The following ADGRV1 variants were observed in gnomAD, a reference collection of about 807,000 sequenced individuals.
ADGRV1 encodes G-protein coupled receptor 98.
In ADGRV1, 359 loss-of-function variants were observed where a neutral mutation model predicts 596.2. That is an observed-to-expected ratio of 0.60 (90% confidence interval 0.55 to 0.66). The LOEUF (loss-of-function observed/expected upper bound fraction) is 0.66. Among genes scored for constraint, ADGRV1 ranks in the 30% least tolerant of loss-of-function variants. The probability of loss-of-function intolerance (pLI) is 0.00; values close to 1 mark genes in which losing one functional copy is unlikely to be tolerated. For synonymous variants in ADGRV1, 2,681 were observed against 2,679.2 expected (o/e 1.00, Z -0.02); for missense variants, 7,274 against 7,575.6 (o/e 0.96, Z 1.48).
intron 87 of ADGRV1, among the ~76,000 whole-genome samples, chr5:91,137,444 T>A (rs188674837): frequency 2.0e-5 from 3 of 152,334 alleles, no homozygotes; most frequent in Non-Finnish European, 2.9e-5. Flanking sequence ...TGCCTCATAT[T>A]GTAACTGAGT....
chr5:90,609,112 G>C (rs1410329893), intron 1 of ADGRV1, among the ~76,000 whole-genome samples: 1 of 151,718 alleles, frequency 6.6e-6, no homozygotes, highest in African/African-American at 2.4e-5. Context: ...TCTTCTGTAG[G>C]AATACATATA....
chr5:90,852,242 C>T (rs746093101), intron 79 of ADGRV1, among the ~76,000 whole-genome samples: 25 of 152,154 alleles, frequency 1.6e-4, no homozygotes, highest in Admixed American at 4.6e-4. Flanking sequence ...TGTACCACTA[C>T]AGGAAAAAGT....
At chr5:90,644,964 A>C in intron 15 of ADGRV1, 95 bp downstream of exon 15, 1 of 939,244 alleles carries the variant, frequency 1.1e-6, no homozygotes, top group African/African-American at 1.7e-5. Context: ...ATATTTTGTG[A>C]TAAAAGTTTG....
At chr5:90,599,711 C>T (rs1471940950) in intron 1 of ADGRV1, among the ~76,000 whole-genome samples, 3 of 152,022 alleles carry the variant, frequency 2.0e-5, no homozygotes, top group African/African-American at 7.3e-5. Context: ...GACAAAACAT[C>T]GTAGCATACC....
intron 4 of ADGRV1, 76 bp from the exon 5 acceptor site, chr5:90,622,521 C>A: frequency 2.0e-6 from 1 of 506,432 alleles, no homozygotes; most frequent in South Asian, 7.5e-5. Context: ...TTGAGCGTTT[C>A]TGAGGTAATA....
chr5:90,606,163 C>T (rs1459474701), intron 1 of ADGRV1, among the ~76,000 whole-genome samples: 3 of 152,146 alleles, frequency 2.0e-5, no homozygotes, highest in Non-Finnish European at 4.4e-5. Flanking sequence ...AATAATCAGA[C>T]GTTAGCCTCA....
chr5:90,618,888 T>A (rs1457464192), intron 3 of ADGRV1, among the ~76,000 whole-genome samples, 198 bp from the exon 4 acceptor site: 1 of 152,016 alleles, frequency 6.6e-6, no homozygotes, highest in African/African-American at 2.4e-5. Context: ...TTTTCAAAAC[T>A]TTTTTGAAAA....
In ADGRV1 at chr5:90,745,057, C is replaced by T; in HGVS notation, c.10561C>T (p.Leu3521Phe). 5 of 1,613,472 alleles carry T rather than the reference C, an allele frequency of 3.1e-6. No homozygotes were observed. The highest frequency in any genetic ancestry group is 3.4e-6 in the Non-Finnish European group (4 of 1,179,536). Residue 3521 changes from leucine to phenylalanine, a missense_variant, in exon 51 of 90, where the codon CTT becomes TTT. This residue lies in a region of ADGRV1 where 3,643 missense variants were observed against 3,809.2 expected (regional missense o/e 0.96). Coordinates refer to ENST00000405460, the MANE Select transcript of ADGRV1 (RefSeq NM_032119.4). The stretch of plus-strand genomic sequence containing the variant: ...TTTCCTTCCTGCAGCCCACATACTT[C>T]TTATTGGCCAAGATATGTCTGCTCT... ...TPASGIAHIL[L>F]IGQDMSALYC...
Position 90,679,648 on chromosome 5 carries a change from G to A in ADGRV1, c.5524+19G>A. The A allele has an allele frequency of 6.4e-7, 1 of 1,567,332 alleles. No individual in the cohort carries two copies. Among genetic ancestry groups the A allele is most frequent in the Non-Finnish European group, 8.8e-7 (1 of 1,138,754 alleles). On this transcript the variant is annotated intron_variant, in intron 26 of 89. Transcript: ENST00000405460. Reference sequence around the variant, plus strand: ...AAACGTGGTAAGCAGTTTTTCCAAGGTCCTTTACTATTATAGGTTTTTATT... The same window carrying A: ...AAACGTGGTAAGCAGTTTTTCCAAGATCCTTTACTATTATAGGTTTTTATT...
rs1175527212 is a variant in ADGRV1, at chr5:90,778,502, C to A, written c.12742C>A (p.Leu4248Met). The A allele has an allele frequency of 6.2e-7, 1 of 1,612,988 alleles. No homozygotes were observed. Among genetic ancestry groups the A allele is most frequent in the Non-Finnish European group, 8.5e-7 (1 of 1,179,486 alleles). ...CACTGCAGTCAGTGAGGGAGGAGTT[C>A]TGAGTGAATCCAGCAGCACTGCCAA... is the stretch of plus-strand genomic sequence containing the variant. ...QLTAVSEGGV[L>M]SESSSTANIT... Residue 4248 changes from leucine to methionine, a missense_variant, in exon 63 of 90, where the codon CTG becomes ATG. Transcript: ENST00000405460.
chr5:90,586,355 A>C (rs139584995), intron 1 of ADGRV1, among the ~76,000 whole-genome samples: 2 of 152,242 alleles, frequency 1.3e-5, no homozygotes, highest in African/African-American at 4.8e-5. Context: ...CCACCTTCAA[A>C]TTTCCTTGAT....
At chr5:91,014,494 C>G (rs1022325899) in intron 85 of ADGRV1, among the ~76,000 whole-genome samples, 9 of 151,870 alleles carry the variant, frequency 5.9e-5, no homozygotes, top group Admixed American at 5.9e-4. Context: ...GGCTGTAAAT[C>G]CATCAGGTCC....
At chr5:90,616,891 C>T (rs937838091) in intron 2 of ADGRV1, among the ~76,000 whole-genome samples, 2 of 152,200 alleles carry the variant, frequency 1.3e-5, no homozygotes, top group African/African-American at 4.8e-5. Context: ...TCTTCATTAA[C>T]CTCTTCCCTT....
At chr5:90,667,879 T>G (rs1378648939) in intron 21 of ADGRV1, among the ~76,000 whole-genome samples, 3 of 152,060 alleles carry the variant, frequency 2.0e-5, no homozygotes, top group African/African-American at 7.3e-5. Context: ...GTGTGAGGTG[T>G]CAGTGTGCCC....
intron 85 of ADGRV1, among the ~76,000 whole-genome samples, chr5:91,057,636 T>G (rs2151333073): frequency 6.6e-6 from 1 of 152,330 alleles, no homozygotes; most frequent in South Asian, 2.1e-4. Context: ...AACAGGAACA[T>G]CCTGTTGACA....
At chr5:90,667,999 A>C (rs1044264461) in intron 21 of ADGRV1, among the ~76,000 whole-genome samples, 13 of 152,010 alleles carry the variant, frequency 8.6e-5, no homozygotes, top group East Asian at 3.9e-4. Context: ...TGGGAGAACC[A>C]CTGCTCTCTT....
At chr5:90,718,956 G>A (rs1208218756) in intron 43 of ADGRV1, among the ~76,000 whole-genome samples, 1 of 152,048 alleles carries the variant, frequency 6.6e-6, no homozygotes, top group Non-Finnish European at 1.5e-5. Context: ...TGAGGTATAA[G>A]TAGTAAAATA....
chr5:90,821,263 C>A (rs904553329), intron 75 of ADGRV1, among the ~76,000 whole-genome samples: 506 of 150,816 alleles, frequency 3.4e-3, no homozygotes, highest in African/African-American at 0.012. Context: ...GTTTTCAGCT[C>A]CATCAGCTCC....
intron 83 of ADGRV1, among the ~76,000 whole-genome samples, chr5:90,874,761 G>A (rs1769059059): frequency 6.6e-6 from 1 of 152,062 alleles, no homozygotes; most frequent in African/African-American, 2.4e-5. Context: ...GGGAGGCTGA[G>A]GCAGGCGAAT....
Sources: allele counts gnomAD v4.1 joint callset (sites outside exome capture counted in the v4.1 genomes callset), GRCh38; gene constraint gnomAD v4.1.1; regional missense constraint gnomAD v4.1.1; transcripts MANE v1.5; gene names NCBI Gene and HGNC (gene_info 2026-07-23, HGNC 2026-07-21).